The following IL31RA variants were observed in gnomAD, a reference collection of about 807,000 sequenced individuals.
The protein encoded by IL31RA is interleukin 31 receptor A, also known as interleukin-31 receptor subunit alpha.
IL31RA carries 66 observed loss-of-function variants against 83.7 expected under a neutral mutation model. The observed-to-expected ratio is 0.79, with a 90% CI of 0.65 to 0.97. IL31RA has a LOEUF of 0.97. Ranked by LOEUF, IL31RA falls within the 50% of genes least tolerant of loss-of-function variation. The probability of loss-of-function intolerance (pLI) is 0.00; values close to 1 mark genes in which losing one functional copy is unlikely to be tolerated. For missense variants in IL31RA, 798 were observed against 919.4 expected (o/e 0.87, Z 1.71); for synonymous variants, 325 against 329.0 (o/e 0.99, Z 0.13).
At position 55,917,124 on chromosome 5, in the gene IL31RA, C is replaced by A. The variant is rs376586329; in HGVS notation, c.*4C>A. ...GCACACCAAGGGAGAAGTCTAAATGCGACCATAGCATGAGACCCTCGGGGC... is the reference window on the plus strand; with the variant it reads ...GCACACCAAGGGAGAAGTCTAAATGAGACCATAGCATGAGACCCTCGGGGC... On this transcript the variant is annotated 3_prime_UTR_variant, in exon 15 of 15. Coordinates refer to ENST00000652347, the MANE Select transcript of IL31RA (RefSeq NM_139017.7). 1.2e-5 allele frequency: 20 copies of A among 1,614,070 alleles called. No homozygotes were observed. Among genetic ancestry groups the A allele is most frequent in the Non-Finnish European group, 1.7e-5 (20 of 1,180,026 alleles).
chr5:55,896,156 T>G (rs1748318215), intron 6 of IL31RA, among the ~76,000 whole-genome samples, 194 bp from the exon 7 acceptor site: 1 of 152,186 alleles, frequency 6.6e-6, no homozygotes, highest in South Asian at 2.1e-4. Context: ...TTTTTTTATC[T>G]TTGGTTGATT....
intron 7 of IL31RA, 82 bp from the exon 8 acceptor site, chr5:55,899,834 C>T (rs1748698391): frequency 1.1e-6 from 1 of 934,424 alleles, no homozygotes; most frequent in Non-Finnish European, 1.7e-6. Context: ...ATTCCCCACC[C>T]TCACCCCCAC....
chr5:55,859,085 G>A (rs1745514810), intron 1 of IL31RA, among the ~76,000 whole-genome samples: 1 of 152,210 alleles, frequency 6.6e-6, no homozygotes, highest in Admixed American at 6.5e-5. Flanking sequence ...GAAATAAGGG[G>A]AAAGGAGCAC....
chr5:55,871,922 T>C (rs1746531094), intron 3 of IL31RA, among the ~76,000 whole-genome samples: 1 of 152,130 alleles, frequency 6.6e-6, no homozygotes. Context: ...GAATAAATTT[T>C]TAAGGCTAGA....
At chr5:55,909,417 G>T (rs187537206) in intron 11 of IL31RA, among the ~76,000 whole-genome samples, 1 of 152,056 alleles carries the variant, frequency 6.6e-6, no homozygotes, top group East Asian at 1.9e-4. Context: ...CGTTCTTTGG[G>T]GCATATACCT....
chr5:55,897,566 T>A (rs1748488359), intron 7 of IL31RA, among the ~76,000 whole-genome samples: 1 of 152,076 alleles, frequency 6.6e-6, no homozygotes, highest in African/African-American at 2.4e-5. Flanking sequence ...GGCACATGTG[T>A]GTTGAAATAG....
intron 2 of IL31RA, among the ~76,000 whole-genome samples, chr5:55,860,759 G>A (rs1745628217): frequency 6.6e-6 from 1 of 152,212 alleles, no homozygotes; most frequent in African/African-American, 2.4e-5. Context: ...CACTGGTCTG[G>A]TAGTGGGAAG....
Position 55,917,406 on chromosome 5 carries a change from G to A in IL31RA, c.*286G>A. The A allele has an allele frequency of 8.8e-7, 1 of 1,136,194 alleles. No homozygotes were observed. Among genetic ancestry groups the A allele is most frequent in the South Asian group, 1.7e-5 (1 of 57,336 alleles). The allele number at this position is 1,136,194 out of a possible 1,614,324, so 70.4% of individuals were successfully genotyped here. ...GGCCTCCTGACAGATTGACTTTGAA[G>A]GAAGGGCCCAGGTTCTGAGCCCAAA... On this transcript the variant is annotated 3_prime_UTR_variant, in exon 15 of 15. Coordinates refer to ENST00000652347, the MANE Select transcript of IL31RA (RefSeq NM_139017.7).
At chr5:55,887,011 C>T (rs1340047229) in intron 5 of IL31RA, among the ~76,000 whole-genome samples, 1 of 152,232 alleles carries the variant, frequency 6.6e-6, no homozygotes, top group Non-Finnish European at 1.5e-5. Flanking sequence ...TAGTTTTCAT[C>T]TGTTTTCCCT....
intron 12 of IL31RA, among the ~76,000 whole-genome samples, chr5:55,911,503 A>G (rs1257157717): frequency 1.3e-5 from 2 of 152,072 alleles, no homozygotes; most frequent in Non-Finnish European, 2.9e-5. Flanking sequence ...GTTTTTTTTG[A>G]GCAAAAAGAC....
At chr5:55,905,212 AAAAAG>A (rs973606077) in intron 8 of IL31RA, among the ~76,000 whole-genome samples, 4 of 151,132 alleles carry the variant, frequency 2.6e-5, no homozygotes, top group African/African-American at 9.8e-5. Context: ...AAAAAAAAAA[AAAAAG>A]AAAGAAAGAA....
Position 55,922,434 on chromosome 5 carries a change from T to C in IL31RA, c.*5314T>C. The C allele has an allele frequency of 6.4e-7, 1 of 1,550,432 alleles. No individual in the cohort carries two copies. The highest frequency in any genetic ancestry group is 8.7e-7 in the Non-Finnish European group (1 of 1,146,440). ...TCTTCCTGCCCAACTTCAATATAAG[T>C]GTGGACTAAAATGCGAGAAAGGTGT... is the stretch of plus-strand genomic sequence containing the variant. On this transcript the variant is annotated 3_prime_UTR_variant, in exon 15 of 15. Transcript: ENST00000652347.
chr5:55,872,228 C>G (rs781712985), intron 3 of IL31RA, 42 bp from the exon 4 acceptor site: 1 of 1,435,122 alleles, frequency 7.0e-7, no homozygotes, highest in South Asian at 1.1e-5. Flanking sequence ...TGTTTCCAAA[C>G]CATTGTACTA....
intron 3 of IL31RA, among the ~76,000 whole-genome samples, chr5:55,871,313 C>T (rs1046783925): frequency 6.6e-6 from 1 of 152,160 alleles, no homozygotes; most frequent in Non-Finnish European, 1.5e-5. Flanking sequence ...TTCCATGATT[C>T]TATGTGTCTA....
At position 55,917,302 on chromosome 5, in the gene IL31RA, G is replaced by A. The variant is rs113780615; in HGVS notation, c.*182G>A. Reference sequence around the variant, plus strand: ...CAAAGATGCGACCTTGTACTGGGAAGAAGGGATGGTGATAAGCCCGAGTTT... The same window carrying A: ...CAAAGATGCGACCTTGTACTGGGAAAAAGGGATGGTGATAAGCCCGAGTTT... On this transcript the variant is annotated 3_prime_UTR_variant, in exon 15 of 15. Transcript: ENST00000652347. 9.4e-6 allele frequency: 14 copies of A among 1,495,162 alleles called. No homozygotes were observed. The African/African-American group carries it at 1.3e-4, about 13-fold the overall frequency. 92.6% of individuals were successfully genotyped at this position (1,495,162 alleles called of 1,614,324 possible).
chr5:55,910,937 A>G (rs1300245647), intron 12 of IL31RA, among the ~76,000 whole-genome samples: 2 of 152,122 alleles, frequency 1.3e-5, no homozygotes, highest in Non-Finnish European at 2.9e-5. Context: ...CTGGAGGAGG[A>G]GGTGTCAAAT....
chr5:55,919,088 G>A lies in IL31RA; in HGVS notation c.*1968G>A, dbSNP rs548056395. ...CCCACTGTCCCCAGAGTTCCAGATG[G>A]GGCCTTTGGCAACCCCACCTTCAGA... is the stretch of plus-strand genomic sequence containing the variant. On this transcript the variant is annotated 3_prime_UTR_variant, in exon 15 of 15. Transcript: ENST00000652347. Among the ~76,000 whole-genome samples the A allele has an allele frequency of 6.6e-6, 1 of 152,168 alleles. No individual in the cohort carries two copies. Among genetic ancestry groups the A allele is most frequent in the African/African-American group, 2.4e-5 (1 of 41,508 alleles).
chr5:55,853,272 TC>T (rs1745161906), intron 1 of IL31RA: 3 of 1,174,380 alleles, frequency 2.6e-6, no homozygotes, highest in East Asian at 7.4e-5. Context: ...TTTCAGATGA[TC>T]CTTTTTTTTT....
chr5:55,848,841 C>G (rs1415932620), upstream of IL31RA, among the ~76,000 whole-genome samples: 5 of 152,172 alleles, frequency 3.3e-5, no homozygotes, highest in Non-Finnish European at 5.9e-5. Context: ...TATCTTAGAA[C>G]TCTCTTTCTA....
Sources: gnomAD v4.1 joint callset for allele counts (sites outside exome capture counted in the v4.1 genomes callset) on GRCh38, gnomAD v4.1.1 for gene constraint, MANE v1.5 for transcripts, NCBI Gene and HGNC (gene_info 2026-07-23, HGNC 2026-07-21) for gene names.